Variants in UBE2W observed in about 807,000 individuals in gnomAD.
The protein encoded by UBE2W is ubiquitin-conjugating enzyme E2 W.
In UBE2W, 18 loss-of-function variants were observed where a neutral mutation model predicts 27.2. That is an observed-to-expected ratio of 0.66 (90% confidence interval 0.46 to 0.98). UBE2W has a LOEUF of 0.98. UBE2W is among the 50% of genes least tolerant of loss of function. UBE2W has a pLI of 0.00. For synonymous variants in UBE2W, 53 were observed against 57.2 expected, an observed-to-expected ratio of 0.93 and a Z score of 0.33; for missense variants, 90 against 180.2, an observed-to-expected ratio of 0.50 and a Z score of 2.87.
intron 1 of UBE2W, among the ~76,000 whole-genome samples, chr8:73,865,143 T>C (rs1193477208): frequency 1.7e-5 from 2 of 117,184 alleles, no homozygotes; most frequent in Non-Finnish European, 3.3e-5. Context: ...GTGCATAGAA[T>C]GACAAATTCT....
chr8:73,848,731 T>C (rs921511279), intron 1 of UBE2W, among the ~76,000 whole-genome samples: 3 of 152,068 alleles, frequency 2.0e-5, no homozygotes, highest in African/African-American at 4.8e-5. Context: ...TGATTACCTT[T>C]AGGAGAGGGA....
chr8:73,820,843 C>T (rs73338464), intron 3 of UBE2W, among the ~76,000 whole-genome samples: 5,144 of 152,034 alleles, frequency 0.034, 258 homozygotes, highest in African/African-American at 0.11. Flanking sequence ...CCCTGCTACT[C>T]TGGAGGCTGA....
At chr8:73,834,072 A>G (rs2130914949) in intron 1 of UBE2W, 1 of 152,350 alleles carries the variant, frequency 6.6e-6, no homozygotes, top group African/African-American at 2.4e-5. Flanking sequence ...GAAGAAGACA[A>G]GTATGGATAT....
intron 3 of UBE2W, among the ~76,000 whole-genome samples, chr8:73,819,711 T>C (rs2130888946): frequency 6.6e-6 from 1 of 152,328 alleles, no homozygotes; most frequent in Non-Finnish European, 1.5e-5. Flanking sequence ...TTCTTTCTTT[T>C]AAGGCAAATG....
intron 1 of UBE2W, among the ~76,000 whole-genome samples, chr8:73,877,116 A>T (rs1028016605): frequency 2.6e-5 from 4 of 152,258 alleles, no homozygotes; most frequent in African/African-American, 9.6e-5. Context: ...TTTTAATCTT[A>T]ATGTTTAGCC....
At chr8:73,833,138 CTGCGCCACTGCACTACAG>C in intron 1 of UBE2W, among the ~76,000 whole-genome samples, 1 of 143,366 alleles carries the variant, frequency 7.0e-6, no homozygotes, top group Non-Finnish European at 1.5e-5. Flanking sequence ...TGAGCTGAGA[CTGCGCCACTGCACTACAG>C]CCTGGGCGAC....
rs1724798637 is a variant in UBE2W at position 73,830,289 on chromosome 8, T to C, written c.107+92A>G. 3 of 887,824 alleles carry C rather than the reference T, an allele frequency of 3.4e-6. No homozygotes were observed. The South Asian group carries it at 4.7e-5, about 14-fold the overall frequency. 55.0% of individuals were successfully genotyped at this position (887,824 alleles called of 1,614,324 possible). A position where few individuals can be genotyped will look rare whatever the true frequency, so the allele number is the denominator to read the frequency against. On this transcript the variant is annotated intron_variant, in intron 2 of 5. Transcript: ENST00000602593. Reference sequence around the variant, plus strand: ...TTTACCTCTTGGTGAAAGAATGAAATGTGAAAATAATTTTGTAGTTTTAAA... The same window carrying C: ...TTTACCTCTTGGTGAAAGAATGAAACGTGAAAATAATTTTGTAGTTTTAAA...
intron 3 of UBE2W, among the ~76,000 whole-genome samples, 162 bp from the exon 4 acceptor site, chr8:73,810,791 C>T (rs1380369788): frequency 6.6e-6 from 1 of 152,162 alleles, no homozygotes; most frequent in African/African-American, 2.4e-5. Context: ...CTCTCATTAA[C>T]TCAGTAAGTA....
chr8:73,812,924 G>C (rs1376249623), intron 3 of UBE2W, among the ~76,000 whole-genome samples: 2 of 151,002 alleles, frequency 1.3e-5, no homozygotes, highest in African/African-American at 4.9e-5. Context: ...AGAATTGCTT[G>C]AACCCGGGAG....
At position 73,815,231 on chromosome 8, in the gene UBE2W, C is replaced by T. The variant is rs368145011; in HGVS notation, c.211-4602G>A. On this transcript the variant is annotated intron_variant, in intron 3 of 5. Coordinates refer to ENST00000602593, the MANE Select transcript of UBE2W (RefSeq NM_018299.6). The stretch of plus-strand genomic sequence containing the variant: ...ATCTCTAAAAAAAATAGTAACTAGC[C>T]GCATGTGGTGGCATGCTCCTGTAGT... Among the ~76,000 whole-genome samples the T allele has an allele frequency of 3.9e-5, 6 of 152,076 alleles. No homozygotes were observed. The East Asian group carries it at 9.7e-4, about 25-fold the overall frequency.
chr8:73,866,284 A>ATATATATAT (rs1479673786), intron 1 of UBE2W, among the ~76,000 whole-genome samples: 4 of 95,328 alleles, frequency 4.2e-5, no homozygotes, highest in Non-Finnish European at 6.4e-5. Context: ...AAAAAAAAAA[A>ATATATATAT]AAAAAAATAT....
rs114212176 is a variant in UBE2W at position 73,855,160 on chromosome 8, G to A, written c.15+23648C>T. ...ATTTTGTATGGATTCCATAGTGTTT[G>A]ATTCAAAGTTTGCAGTATTGCACTA... On this transcript the variant is annotated intron_variant, in intron 1 of 5. Coordinates refer to ENST00000602593, the MANE Select transcript of UBE2W (RefSeq NM_018299.6). Among the ~76,000 whole-genome samples the A allele has an allele frequency of 7.7e-3, 1,172 of 152,270 alleles. 21 individuals carry two copies. Among genetic ancestry groups the A allele is most frequent in the African/African-American group, 0.026 (1,097 of 41,552 alleles).
chr8:73,817,313 G>A (rs1199016810), intron 3 of UBE2W, among the ~76,000 whole-genome samples: 1 of 152,064 alleles, frequency 6.6e-6, no homozygotes, highest in Non-Finnish European at 1.5e-5. Context: ...GGGTGACAGG[G>A]CGCAACTCCA....
At chr8:73,834,614 T>C (rs1305959271) in intron 1 of UBE2W, among the ~76,000 whole-genome samples, 2 of 151,976 alleles carry the variant, frequency 1.3e-5, no homozygotes, top group Non-Finnish European at 2.9e-5. Flanking sequence ...TTGTCTCTAA[T>C]AACATTAAAC....
chr8:73,790,730 A>G lies in UBE2W; in HGVS notation c.*3372T>C. On this transcript the variant is annotated 3_prime_UTR_variant, in exon 6 of 6. Transcript: ENST00000602593. ...AAATATCTCAATTCTGAAAAACAAT[A>G]GGCTTTTAAAAAATAAGACTTGATT... The G allele has an allele frequency of 1.0e-6, 1 of 975,038 alleles. No individual in the cohort carries two copies. The highest frequency in any genetic ancestry group is 1.2e-6 in the Non-Finnish European group (1 of 820,532). 60.4% of individuals were successfully genotyped at this position (975,038 alleles called of 1,614,324 possible).
At chr8:73,825,320 C>T in intron 2 of UBE2W, 71 bp from the exon 3 acceptor site, 1 of 1,069,552 alleles carries the variant, frequency 9.3e-7, no homozygotes. Flanking sequence ...AAGAGGACAC[C>T]AAGTACTTCC....
chr8:73,837,424 A>G (rs1357712114), intron 1 of UBE2W, among the ~76,000 whole-genome samples: 1 of 152,092 alleles, frequency 6.6e-6, no homozygotes, highest in Non-Finnish European at 1.5e-5. Context: ...GAGGCAGGAG[A>G]AATGTTTGAA....
At chr8:73,846,325 G>A (rs1453090627) in intron 1 of UBE2W, among the ~76,000 whole-genome samples, 2 of 152,104 alleles carry the variant, frequency 1.3e-5, no homozygotes, top group African/African-American at 4.8e-5. Context: ...GAACCTGGGA[G>A]GCAGAGGTCG....
intron 1 of UBE2W, among the ~76,000 whole-genome samples, chr8:73,865,127 G>GAGTGT (rs1811693413): frequency 6.9e-6 from 1 of 144,606 alleles, no homozygotes; most frequent in Non-Finnish European, 1.5e-5. Context: ...CCTCAGCTGG[G>GAGTGT]AGTGTGTGCA....
Sources: allele counts gnomAD v4.1 joint callset (sites outside exome capture counted in the v4.1 genomes callset), GRCh38; gene constraint gnomAD v4.1.1; transcripts MANE v1.5; gene names NCBI Gene and HGNC (gene_info 2026-07-23, HGNC 2026-07-21).